The following RSPH14 variants were observed in gnomAD, a reference collection of about 807,000 sequenced individuals.
The protein encoded by RSPH14 is radial spoke head 14 homolog, also known as rhabdoid tumor deletion region gene 1.
In RSPH14, 20 loss-of-function variants were observed where a neutral mutation model predicts 26.7. That is an observed-to-expected ratio of 0.75 (90% CI 0.53 to 1.09). The LOEUF is 1.09. Among genes scored for constraint, RSPH14 ranks in the 50% least tolerant of loss-of-function variants. The probability of loss-of-function intolerance (pLI) is 0.00; values close to 1 mark genes in which losing one functional copy is unlikely to be tolerated. For missense variants in RSPH14, 449 were observed against 457.2 expected (o/e 0.98, Z 0.16); for synonymous variants, 177 against 189.3 (o/e 0.93, Z 0.53).
the RSPH14 span, chr22:23,155,868 C>T: frequency 1.8e-6 from 2 of 1,113,716 alleles, no homozygotes; most frequent in Non-Finnish European, 2.5e-6. Context: ...TGGCACAGGC[C>T]CTTAGGGTCT....
At chr22:23,119,693 G>A (rs575678239) in intron 4 of RSPH14, among the ~76,000 whole-genome samples, 2 of 152,350 alleles carry the variant, frequency 1.3e-5, no homozygotes, top group South Asian at 4.1e-4. Context: ...GGGACGCTGG[G>A]ATGGAGTGAG....
chr22:23,143,700 C>A (rs1457640761), upstream of RSPH14, among the ~76,000 whole-genome samples: 1 of 152,202 alleles, frequency 6.6e-6, no homozygotes, highest in Non-Finnish European at 1.5e-5. Flanking sequence ...TCCCCATGCG[C>A]ATGTAAAACT....
chr22:23,151,418 CCCTGCTCTCACGGACCTGGCAAGGTGA>C, the RSPH14 span, among the ~76,000 whole-genome samples: 1 of 152,144 alleles, frequency 6.6e-6, no homozygotes, highest in Admixed American at 6.5e-5. Flanking sequence ...TAGACACAAT[CCCTGCTCTCACGGACCTGGCAAGGTGA>C]CCTGCAGCCC....
chr22:23,169,720 G>A, the RSPH14 span, among the ~76,000 whole-genome samples: 1 of 152,234 alleles, frequency 6.6e-6, no homozygotes, highest in South Asian at 2.1e-4. Flanking sequence ...CCCTGGTGAG[G>A]GCTGGTTGGA....
chr22:23,117,083 G>C (rs149323071), intron 4 of RSPH14, among the ~76,000 whole-genome samples: 135 of 152,306 alleles, frequency 8.9e-4, no homozygotes, highest in African/African-American at 3.1e-3. Flanking sequence ...GTCCCATCCA[G>C]CTGGGATGCA....
intron 4 of RSPH14, chr22:23,122,948 C>G: frequency 1.6e-6 from 1 of 624,072 alleles, no homozygotes; most frequent in Non-Finnish European, 2.8e-6. Flanking sequence ...CTGGGCTTCC[C>G]CAGCAGAAGG....
intron 4 of RSPH14, among the ~76,000 whole-genome samples, chr22:23,130,530 A>AAGAAAGAAAGAAAGAAAGAAAGAAAGAC (rs1569193238): frequency 8.0e-6 from 1 of 124,392 alleles, no homozygotes; most frequent in Non-Finnish European, 1.8e-5. Flanking sequence ...GAAAGAAAGA[A>AAGAAAGAAAGAAAGAAAGAAAGAAAGAC]AGAGAAAGAA....
chr22:23,062,737 C>G (rs1025240136), intron 5 of RSPH14, among the ~76,000 whole-genome samples: 1 of 152,230 alleles, frequency 6.6e-6, no homozygotes, highest in Non-Finnish European at 1.5e-5. Flanking sequence ...ACCCCGAAGC[C>G]CATGATCAAA....
At chr22:23,130,075 GAAAGAAAGGAAGAAAGAAAGAAAGAAAGA>G (rs2070286189) in intron 4 of RSPH14, among the ~76,000 whole-genome samples, 1 of 28,592 alleles carries the variant, frequency 3.5e-5, no homozygotes, top group Non-Finnish European at 7.3e-5. Flanking sequence ...AAGAAAGAAA[GAAAGAAAGGAAGAAAGAAAGAAAGAAAGA>G]AAGAAAGAAA....
At chr22:23,157,667 A>G in the RSPH14 span, among the ~76,000 whole-genome samples, 44 of 152,320 alleles carry the variant, frequency 2.9e-4, no homozygotes, top group African/African-American at 1.0e-3. Flanking sequence ...GGCTCTCAGC[A>G]GTTAAGGCCC....
chr22:23,121,620 T>C (rs1299173378), intron 4 of RSPH14, among the ~76,000 whole-genome samples: 1 of 152,186 alleles, frequency 6.6e-6, no homozygotes, highest in African/African-American at 2.4e-5. Flanking sequence ...ACTGCAGTCA[T>C]TGGTGATGCT....
At chr22:23,067,776 G>C (rs530907025) in intron 4 of RSPH14, among the ~76,000 whole-genome samples, 1 of 151,982 alleles carries the variant, frequency 6.6e-6, no homozygotes, top group East Asian at 1.9e-4. Flanking sequence ...CATCTCCCTG[G>C]GTCCTGATAA....
At chr22:23,138,996 A>G in intron 2 of RSPH14, 54 bp from the exon 3 acceptor site, 1 of 1,444,868 alleles carries the variant, frequency 6.9e-7, no homozygotes. Flanking sequence ...TGCCAGTCTC[A>G]GAAACCAACC....
chr22:23,106,037 A>G (rs115374300), intron 4 of RSPH14, among the ~76,000 whole-genome samples: 33 of 152,234 alleles, frequency 2.2e-4, no homozygotes, highest in African/African-American at 7.7e-4. Flanking sequence ...TGCTCCCACC[A>G]TCTTGGAATT....
At chr22:23,150,239 C>A in the RSPH14 span, 3 of 1,089,594 alleles carry the variant, frequency 2.8e-6, no homozygotes, top group Non-Finnish European at 2.7e-6. Flanking sequence ...ACAAATGAAA[C>A]ACACACACGA....
intron 4 of RSPH14, among the ~76,000 whole-genome samples, chr22:23,082,135 C>CAA (rs77916701): frequency 5.8e-5 from 8 of 137,544 alleles, no homozygotes; most frequent in Non-Finnish European, 9.6e-5. Context: ...AAAAAAAAAA[C>CAA]AAAAAAAAAA....
the RSPH14 span, chr22:23,162,593 C>G: frequency 4.4e-6 from 2 of 454,518 alleles, no homozygotes; most frequent in South Asian, 1.6e-5. Context: ...AGAAATACCC[C>G]ACACATTCCC....
At chr22:23,114,180 G>A (rs143841975) in intron 4 of RSPH14, among the ~76,000 whole-genome samples, 1 of 152,236 alleles carries the variant, frequency 6.6e-6, no homozygotes, top group African/African-American at 2.4e-5. Flanking sequence ...TGGCCGCAGG[G>A]CTGGCCTGTC....
intron 4 of RSPH14, among the ~76,000 whole-genome samples, chr22:23,096,825 C>A (rs988325897): frequency 2.0e-5 from 3 of 152,260 alleles, no homozygotes; most frequent in Non-Finnish European, 2.9e-5. Context: ...GGGTTAAGAG[C>A]TGTTTAGAAG....
Sources: allele counts gnomAD v4.1 joint callset (sites outside exome capture counted in the v4.1 genomes callset), GRCh38; gene constraint gnomAD v4.1.1; transcripts MANE v1.5; gene names NCBI Gene and HGNC (gene_info 2026-07-23, HGNC 2026-07-21).